Variants in FSTL4 observed in about 807,000 individuals in gnomAD.
FSTL4 encodes follistatin like 4, also known as follistatin-related protein 4.
FSTL4 carries 28 observed loss-of-function variants against 78.2 expected under a neutral mutation model. That is an observed-to-expected ratio of 0.36 (90% CI 0.27 to 0.49). FSTL4 has a LOEUF of 0.49. Among genes scored for constraint, FSTL4 ranks in the 20% least tolerant of loss-of-function variants. The pLI is 0.98. For missense variants in FSTL4, 922 were observed against 1,084.9 expected (o/e 0.85, Z 2.11); for synonymous variants, 422 against 440.5 (o/e 0.96, Z 0.53).
intron 3 of FSTL4, among the ~76,000 whole-genome samples, chr5:133,530,849 G>A (rs1424235203): frequency 6.6e-6 from 1 of 152,150 alleles, no homozygotes; most frequent in African/African-American, 2.4e-5. Context: ...AGGCTGAGCT[G>A]GGCCAGAGAC....
At chr5:133,358,425 A>C (rs1320184262) in intron 4 of FSTL4, among the ~76,000 whole-genome samples, 1 of 151,970 alleles carries the variant, frequency 6.6e-6, no homozygotes, top group Admixed American at 6.5e-5. Flanking sequence ...CAGTGAATCA[A>C]GCAGCAGGGG....
At chr5:133,496,974 A>G (rs1053637843) in intron 3 of FSTL4, among the ~76,000 whole-genome samples, 1 of 151,632 alleles carries the variant, frequency 6.6e-6, no homozygotes, top group Non-Finnish European at 1.5e-5. Flanking sequence ...CTCTTCCCTC[A>G]CTTGTCCCCT....
chr5:133,698,164 T>G, the FSTL4 span, among the ~76,000 whole-genome samples: 2 of 152,108 alleles, frequency 1.3e-5, no homozygotes, highest in Non-Finnish European at 2.9e-5. Context: ...TTCATACCCT[T>G]ACTTAACAAC....
chr5:133,273,749 C>T (rs547078600), intron 6 of FSTL4, among the ~76,000 whole-genome samples: 2 of 152,238 alleles, frequency 1.3e-5, no homozygotes, highest in East Asian at 3.9e-4. Context: ...TGAAGGGAAA[C>T]CTACGTTTGC....
chr5:133,731,022 T>C, the FSTL4 span, among the ~76,000 whole-genome samples: 2 of 152,170 alleles, frequency 1.3e-5, no homozygotes, highest in Non-Finnish European at 2.9e-5. Flanking sequence ...CTGATCTGCT[T>C]GAGAAATCCC....
chr5:133,776,248 G>A, the FSTL4 span, among the ~76,000 whole-genome samples: 1 of 152,198 alleles, frequency 6.6e-6, no homozygotes, highest in African/African-American at 2.4e-5. Context: ...GGTACCAGCA[G>A]CCAGAGGAAA....
chr5:133,320,222 C>T (rs1013733937), intron 4 of FSTL4, among the ~76,000 whole-genome samples: 11 of 152,200 alleles, frequency 7.2e-5, no homozygotes, highest in Non-Finnish European at 1.3e-4. Flanking sequence ...GGATAGATTT[C>T]CTCCTTCACA....
chr5:133,329,905 A>G (rs1331686310), intron 4 of FSTL4, among the ~76,000 whole-genome samples: 1 of 152,208 alleles, frequency 6.6e-6, no homozygotes, highest in Admixed American at 6.5e-5. Flanking sequence ...AATGTGTTAC[A>G]CGACATTCAC....
chr5:133,355,757 G>A (rs896896721), intron 4 of FSTL4, among the ~76,000 whole-genome samples: 11 of 152,318 alleles, frequency 7.2e-5, no homozygotes, highest in Admixed American at 4.6e-4. Context: ...TAGTTATTTA[G>A]GTTTTAATGG....
chr5:133,728,485 C>A, the FSTL4 span, among the ~76,000 whole-genome samples: 6 of 152,320 alleles, frequency 3.9e-5, no homozygotes, highest in African/African-American at 9.6e-5. Context: ...GTCCATCCAC[C>A]TTTATCACTG....
chr5:133,757,653 A>C, the FSTL4 span, among the ~76,000 whole-genome samples: 1 of 152,174 alleles, frequency 6.6e-6, no homozygotes, highest in African/African-American at 2.4e-5. Context: ...GGGTGCCCTG[A>C]ACTTCTCTCA....
intron 4 of FSTL4, among the ~76,000 whole-genome samples, chr5:133,332,642 C>G (rs1456751500): frequency 1.3e-5 from 2 of 152,228 alleles, no homozygotes; most frequent in Non-Finnish European, 2.9e-5. Flanking sequence ...AACCTGTCTT[C>G]TGACTTATGC....
intron 3 of FSTL4, among the ~76,000 whole-genome samples, chr5:133,542,242 T>C (rs1759492186): frequency 6.6e-6 from 1 of 152,224 alleles, no homozygotes; most frequent in South Asian, 2.1e-4. Flanking sequence ...TCTATTGAGA[T>C]GATTATATGA....
chr5:133,751,867 T>A, the FSTL4 span, among the ~76,000 whole-genome samples: 17 of 152,170 alleles, frequency 1.1e-4, no homozygotes, highest in East Asian at 2.7e-3. Flanking sequence ...GAGTCATGGG[T>A]GGGTTTTGGA....
the FSTL4 span, among the ~76,000 whole-genome samples, chr5:133,713,295 A>G: frequency 2.0e-5 from 3 of 152,244 alleles, no homozygotes; most frequent in African/African-American, 7.2e-5. Context: ...ATAATCATCT[A>G]ACATTTGCTT....
chr5:133,446,395 GAAC>G (rs1757265938), intron 3 of FSTL4, among the ~76,000 whole-genome samples: 1 of 152,190 alleles, frequency 6.6e-6, no homozygotes, highest in Non-Finnish European at 1.5e-5. Context: ...AGCCGAGATC[GAAC>G]CATGCCACTG....
At chr5:133,834,407 A>G in the FSTL4 span, among the ~76,000 whole-genome samples, 2 of 152,324 alleles carry the variant, frequency 1.3e-5, no homozygotes, top group African/African-American at 4.8e-5. Flanking sequence ...GTAAATGACT[A>G]AAGGTAAGGA....
intron 3 of FSTL4, among the ~76,000 whole-genome samples, chr5:133,444,402 C>T (rs1757219770): frequency 6.6e-6 from 1 of 152,256 alleles, no homozygotes; most frequent in Non-Finnish European, 1.5e-5. Context: ...CCCTGCCTGG[C>T]AGTGCCCGGC....
chr5:133,282,218 G>C (rs1753025839), intron 6 of FSTL4, among the ~76,000 whole-genome samples: 3 of 152,138 alleles, frequency 2.0e-5, no homozygotes, highest in Admixed American at 2.0e-4. Context: ...AGGGCCTGAG[G>C]AGGGGCTTCC....
Sources: allele counts gnomAD v4.1 joint callset (sites outside exome capture counted in the v4.1 genomes callset), GRCh38; gene constraint gnomAD v4.1.1; transcripts MANE v1.5; gene names NCBI Gene and HGNC (gene_info 2026-07-23, HGNC 2026-07-21).